The following DSTN variants were observed in gnomAD, a reference collection of about 807,000 sequenced individuals.
DSTN encodes the protein destrin.
A neutral mutation model predicts 16.8 loss-of-function variants in DSTN; 10 were observed. The ratio of observed to expected loss-of-function variants is 0.60; its 90% confidence interval spans 0.37 to 1.01. The LOEUF (loss-of-function observed/expected upper bound fraction) is 1.01. Among genes scored for constraint, DSTN ranks in the 50% least tolerant of loss-of-function variants. The pLI, the probability that DSTN is intolerant of heterozygous loss-of-function variation, is 0.01. For missense variants in DSTN, 141 were observed against 196.7 expected (o/e 0.72, Z 1.69); for synonymous variants, 57 against 58.9 (o/e 0.97, Z 0.14).
At chr20:17,593,594 A>T (rs2035494486) in intron 1 of DSTN, among the ~76,000 whole-genome samples, 1 of 152,210 alleles carries the variant, frequency 6.6e-6, no homozygotes, top group African/African-American at 2.4e-5. Flanking sequence ...GTGAGAATTG[A>T]TCTGACATCT....
chr20:17,578,644 C>G (rs747017332), intron 1 of DSTN, among the ~76,000 whole-genome samples: 1 of 152,070 alleles, frequency 6.6e-6, no homozygotes, highest in Non-Finnish European at 1.5e-5. Context: ...CATAGAAAAG[C>G]GCTCAAAAGC....
At chr20:17,581,802 A>C (rs1017638698) in intron 1 of DSTN, among the ~76,000 whole-genome samples, 2 of 152,224 alleles carry the variant, frequency 1.3e-5, no homozygotes, top group African/African-American at 4.8e-5. Flanking sequence ...AAATTGATTC[A>C]AAAGTTTTAT....
chr20:17,604,677 T>G, intron 3 of DSTN, 46 bp downstream of exon 3: 1 of 1,564,070 alleles, frequency 6.4e-7, no homozygotes, highest in Non-Finnish European at 8.7e-7. Context: ...TGGTGAACAC[T>G]CAGAATGGGG....
At chr20:17,570,589 G>A (rs924876076) in intron 1 of DSTN, among the ~76,000 whole-genome samples, 5 of 143,458 alleles carry the variant, frequency 3.5e-5, no homozygotes, top group African/African-American at 1.3e-4. Flanking sequence ...AGTGGGGGGC[G>A]GGGGGCGTCG....
At chr20:17,601,133 T>G in intron 2 of DSTN, 88 bp downstream of exon 2, 4 of 1,430,654 alleles carry the variant, frequency 2.8e-6, no homozygotes, top group Non-Finnish European at 3.7e-6. Flanking sequence ...TAATTTTTAT[T>G]CAAACTATTT....
rs745803626 is a variant in DSTN, at chr20:17,604,659, T to TAG, written c.388+31_388+32dup. ...ATGTTCTAGATGACCTCTGAATATG[T>TAG]AGAGGTATGGTGAACACTCAGAATG... On this transcript the variant is annotated intron_variant, in intron 3 of 3. Coordinates refer to ENST00000246069, the MANE Select transcript of DSTN (RefSeq NM_006870.4). 23 of 1,591,262 alleles carry TAG rather than the reference T, an allele frequency of 1.4e-5. No individual in the cohort carries two copies. The East Asian group carries it at 5.1e-4, about 36-fold the overall frequency.
intron 1 of DSTN, among the ~76,000 whole-genome samples, chr20:17,578,202 G>A (rs1309441400): frequency 2.6e-5 from 4 of 152,166 alleles, no homozygotes; most frequent in Non-Finnish European, 1.5e-5. Context: ...CTAGACTATT[G>A]AGCTCTTTTA....
At chr20:17,574,871 T>TTTTG (rs2035258744) in intron 1 of DSTN, among the ~76,000 whole-genome samples, 3 of 8,952 alleles carry the variant, frequency 3.4e-4, no homozygotes, top group South Asian at 4.6e-3. Context: ...TTTTCTTTTG[T>TTTTG]TTTTTTTTTT....
intron 1 of DSTN, among the ~76,000 whole-genome samples, chr20:17,597,906 T>G (rs544186448): frequency 3.9e-5 from 6 of 152,340 alleles, no homozygotes; most frequent in African/African-American, 1.4e-4. Context: ...CTGTTGATTT[T>G]ACCCAATTTG....
At chr20:17,604,278 C>T (rs982984725) in intron 2 of DSTN, among the ~76,000 whole-genome samples, 1 of 152,154 alleles carries the variant, frequency 6.6e-6, no homozygotes, top group African/African-American at 2.4e-5. Context: ...TTCATTATGG[C>T]GACTGTAATC....
In DSTN at chr20:17,608,134, T is replaced by C. The variant is rs2035661412; in HGVS notation, c.*988T>C. On this transcript the variant is annotated 3_prime_UTR_variant, in exon 4 of 4. Transcript: ENST00000246069. ...GTTCACTGACACTTGGAAGCGGTCA[T>C]TGTTAATATCACGGGCGTAACACTT... 1 of 152,222 alleles carries C rather than the reference T, an allele frequency of 6.6e-6. No individual in the cohort carries two copies. Among genetic ancestry groups the C allele is most frequent in the Non-Finnish European group, 1.5e-5 (1 of 68,044 alleles). The allele number at this position is 152,222 out of a possible 1,614,324, so 9.4% of individuals were successfully genotyped here.
intron 1 of DSTN, among the ~76,000 whole-genome samples, chr20:17,578,814 A>G (rs984556529): frequency 1.3e-5 from 2 of 151,850 alleles, no homozygotes; most frequent in Non-Finnish European, 2.9e-5. Flanking sequence ...ATACAAAATT[A>G]GCCGGGTGTG....
chr20:17,605,821 G>A (rs1185959247), intron 3 of DSTN, among the ~76,000 whole-genome samples: 5 of 152,264 alleles, frequency 3.3e-5, no homozygotes, highest in South Asian at 2.1e-4. Flanking sequence ...GATAGTGGCC[G>A]GCTGGGTGTG....
rs940512944 is a variant in DSTN, at chr20:17,608,165, G to A, written c.*1019G>A. 3.3e-5 allele frequency: 5 copies of A among 152,148 alleles called. No homozygotes were observed. Among genetic ancestry groups the A allele is most frequent in the Non-Finnish European group, 7.3e-5 (5 of 68,032 alleles). 9.4% of individuals were successfully genotyped at this position (152,148 alleles called of 1,614,324 possible). A position where few individuals can be genotyped will look rare whatever the true frequency, so the allele number is the denominator to read the frequency against. ...ATATCACGGGCGTAACACTTTGAAC[G>A]ATATAGAGATGCACAAACAGTTGAA... is the stretch of plus-strand genomic sequence containing the variant. On this transcript the variant is annotated 3_prime_UTR_variant, in exon 4 of 4. Transcript: ENST00000246069.
intron 1 of DSTN, among the ~76,000 whole-genome samples, chr20:17,580,677 G>A (rs2035332293): frequency 6.6e-6 from 1 of 152,082 alleles, no homozygotes; most frequent in Non-Finnish European, 1.5e-5. Context: ...GAACCCGGGA[G>A]GCGGAGGTTG....
chr20:17,599,704 T>C (rs547465779), intron 1 of DSTN: 1 of 152,356 alleles, frequency 6.6e-6, no homozygotes, highest in South Asian at 2.1e-4. Context: ...GTCAAAGACA[T>C]TGGGCATATA....
intron 1 of DSTN, among the ~76,000 whole-genome samples, 197 bp from the exon 2 acceptor site, chr20:17,600,541 A>G (rs2035575097): frequency 6.6e-6 from 1 of 152,180 alleles, no homozygotes; most frequent in Non-Finnish European, 1.5e-5. Context: ...GTAGTGAGGA[A>G]TGGCATATAT....
chr20:17,589,020 A>G (rs995421733), intron 1 of DSTN, among the ~76,000 whole-genome samples: 2 of 152,134 alleles, frequency 1.3e-5, no homozygotes, highest in Admixed American at 6.5e-5. Flanking sequence ...TGGCAGCAGG[A>G]TGGCGTTCAG....
chr20:17,578,112 C>G lies in DSTN; in HGVS notation c.3+7901C>G, dbSNP rs144135712. ...TTGGTGTGTGTACCAACTAAATTCT[C>G]TGCATTTCTGCACATGTCCAAGAAA... On this transcript the variant is annotated intron_variant, in intron 1 of 3. Transcript: ENST00000246069. 1.4e-3 allele frequency among the ~76,000 whole-genome samples: 207 copies of G among 152,356 alleles called. 1 individual carries two copies. Among genetic ancestry groups the G allele is most frequent in the African/African-American group, 4.4e-3 (185 of 41,582 alleles).
Sources: gnomAD v4.1 joint callset for allele counts (sites outside exome capture counted in the v4.1 genomes callset) on GRCh38, gnomAD v4.1.1 for gene constraint, MANE v1.5 for transcripts, NCBI Gene and HGNC (gene_info 2026-07-23, HGNC 2026-07-21) for gene names.